The following CLTA variants were observed in gnomAD, a reference collection of about 807,000 sequenced individuals.
CLTA encodes clathrin, light polypeptide (Lca).
CLTA carries 9 observed loss-of-function variants against 26.9 expected under a neutral mutation model. The ratio of observed to expected loss-of-function variants is 0.33; its 90% CI spans 0.20 to 0.58. The LOEUF (loss-of-function observed/expected upper bound fraction) is 0.58, where lower values mean the gene tolerates loss of function less well. Ranked by LOEUF, CLTA falls within the 20% of genes least tolerant of loss-of-function variation. The pLI, the probability that CLTA is intolerant of heterozygous loss-of-function variation, is 0.85. For synonymous variants in CLTA, 120 were observed against 115.5 expected, an observed-to-expected ratio of 1.04 and a Z score of -0.25; for missense variants, 278 against 294.2, an observed-to-expected ratio of 0.94 and a Z score of 0.40.
chr9:36,207,701 T>C (rs1203649424), intron 4 of CLTA, among the ~76,000 whole-genome samples: 2 of 152,234 alleles, frequency 1.3e-5, no homozygotes, highest in Non-Finnish European at 2.9e-5. Flanking sequence ...TGCTTGTCAC[T>C]GAGGAGCTCT....
intron 3 of CLTA, among the ~76,000 whole-genome samples, chr9:36,202,141 A>G (rs769112610): frequency 4.6e-5 from 7 of 152,086 alleles, no homozygotes; most frequent in Non-Finnish European, 1.0e-4. Context: ...TACTGTATAT[A>G]CTTTAGAGTC....
At chr9:36,209,197 G>A in intron 4 of CLTA, 1 of 1,596,900 alleles carries the variant, frequency 6.3e-7, no homozygotes, top group Non-Finnish European at 8.6e-7. Flanking sequence ...GATTTTAGAT[G>A]TTTCTGCTTC....
chr9:36,209,614 C>T (rs1310511981), intron 4 of CLTA, among the ~76,000 whole-genome samples: 1 of 152,064 alleles, frequency 6.6e-6, no homozygotes, highest in East Asian at 1.9e-4. Flanking sequence ...GTTTGAGGCT[C>T]GGGGGAACTC....
At position 36,191,288 on chromosome 9, in the gene CLTA, G is replaced by A; in HGVS notation, c.217+15G>A. On this transcript the variant is annotated intron_variant, in intron 1 of 4. Transcript: ENST00000345519. ...GGGGGGTCCGGGTGAGAGTGCGGGC[G>A]CGTTTGGGGCGAGAGGACTTGTCTG... 6.7e-7 allele frequency: 1 copy of A among 1,498,218 alleles called. No homozygotes were observed. Among genetic ancestry groups the A allele is most frequent in the South Asian group, 1.3e-5 (1 of 78,894 alleles). 92.8% of individuals were successfully genotyped at this position (1,498,218 alleles called of 1,614,324 possible).
chr9:36,200,386 A>G (rs538867123), intron 3 of CLTA, among the ~76,000 whole-genome samples: 361 of 152,348 alleles, frequency 2.4e-3, no homozygotes, highest in African/African-American at 8.2e-3. Flanking sequence ...AAGACATCAT[A>G]TACTTTGTGT....
chr9:36,206,941 T>C (rs764967655), intron 4 of CLTA, among the ~76,000 whole-genome samples: 1 of 152,056 alleles, frequency 6.6e-6, no homozygotes, highest in Non-Finnish European at 1.5e-5. Context: ...TTCAAGCAAG[T>C]ATGATTCTCT....
At chr9:36,191,556 T>C (rs1826722133) in intron 1 of CLTA, among the ~76,000 whole-genome samples, 1 of 152,148 alleles carries the variant, frequency 6.6e-6, no homozygotes, top group Non-Finnish European at 1.5e-5. Context: ...TCAGCAACTT[T>C]TCATTAAGCA....
At chr9:36,207,198 C>T (rs1430220344) in intron 4 of CLTA, among the ~76,000 whole-genome samples, 1 of 152,190 alleles carries the variant, frequency 6.6e-6, no homozygotes, top group African/African-American at 2.4e-5. Context: ...CTGCATCTCC[C>T]TTCTTTTATC....
At chr9:36,202,632 A>G (rs913162622) in intron 3 of CLTA, among the ~76,000 whole-genome samples, 4 of 152,124 alleles carry the variant, frequency 2.6e-5, no homozygotes, top group African/African-American at 7.2e-5. Flanking sequence ...TAGGAAATTC[A>G]CTCAAACTTT....
chr9:36,196,644 C>T (rs886858078), intron 1 of CLTA, among the ~76,000 whole-genome samples: 3 of 152,088 alleles, frequency 2.0e-5, no homozygotes, highest in African/African-American at 7.2e-5. Context: ...CCACCGCGCC[C>T]AGCTGTAACC....
intron 4 of CLTA, among the ~76,000 whole-genome samples, chr9:36,210,314 C>T (rs1827968952): frequency 6.6e-6 from 1 of 152,098 alleles, no homozygotes; most frequent in African/African-American, 2.4e-5. Context: ...ATGTTCATCC[C>T]CTTAGAAGAT....
intron 2 of CLTA, 42 bp downstream of exon 2, chr9:36,197,630 A>G (rs771420256): frequency 8.2e-6 from 12 of 1,470,488 alleles, no homozygotes; most frequent in South Asian, 2.4e-5. Context: ...GTGATTGAGA[A>G]TCTTCCTTTC....
Position 36,200,335 on chromosome 9 carries a change from TAC to T in CLTA, c.373+1249_373+1250del, listed in dbSNP as rs370276069. 3.3e-5 allele frequency among the ~76,000 whole-genome samples: 5 copies of T among 152,298 alleles called. No homozygotes were observed. In the South Asian group the frequency reaches 8.3e-4, roughly 25 times the overall value. ...TTATATAAATGATATGTTTTAGACA[TAC>T]ACACACACAAATTGTTTTGGCTGAC... On this transcript the variant is annotated intron_variant, in intron 3 of 4. Transcript: ENST00000345519.
Position 36,211,762 on chromosome 9 carries a change from G to A in CLTA, c.645G>A (p.Pro215=), listed in dbSNP as rs756015897. 21 of 1,609,860 alleles carry A rather than the reference G, an allele frequency of 1.3e-5. No homozygotes were observed. Among genetic ancestry groups the A allele is most frequent in the African/African-American group, 1.1e-4 (8 of 74,810 alleles). The change falls in exon 5 of 5, where the codon CCG becomes CCA. Residue 215 remains proline (P), a synonymous_variant. Transcript: ENST00000345519. ...RSVLISLKQA[P]LVH The stretch of plus-strand genomic sequence containing the variant: ...TCCTCATCTCCCTCAAGCAGGCCCC[G>A]CTGGTGCACTGAAGAGCCACCCTGT...
rs1359757516 is a variant in CLTA, at chr9:36,211,970, G to A, written c.*196G>A. ...GGCATTCAGAGAGGAGGGAGAGGAGGAAGAGGAAGGGGAGGGAAGCTTCCC... is the reference window on the plus strand; with the variant it reads ...GGCATTCAGAGAGGAGGGAGAGGAGAAAGAGGAAGGGGAGGGAAGCTTCCC... On this transcript the variant is annotated 3_prime_UTR_variant, in exon 5 of 5. Transcript: ENST00000345519. 1.4e-6 allele frequency: 1 copy of A among 700,680 alleles called. No individual in the cohort carries two copies. The allele number at this position is 700,680 out of a possible 1,614,324, so 43.4% of individuals were successfully genotyped here.
chr9:36,191,474 T>G (rs1165172918), intron 1 of CLTA, among the ~76,000 whole-genome samples: 4 of 152,194 alleles, frequency 2.6e-5, no homozygotes, highest in African/African-American at 9.6e-5. Context: ...GTTTGAGTGC[T>G]TCTGGGCGCG....
rs78318820 is a variant in CLTA, at chr9:36,193,055, C to T, written c.217+1782C>T. On this transcript the variant is annotated intron_variant, in intron 1 of 4. Coordinates refer to ENST00000345519, the MANE Select transcript of CLTA (RefSeq NM_001833.4). ...ATGTAGAACTGACAGATCTTGGTGACGGGCAGTTAGGGAAGGTAAAAGGGA... is the reference window on the plus strand; with the variant it reads ...ATGTAGAACTGACAGATCTTGGTGATGGGCAGTTAGGGAAGGTAAAAGGGA... Among the ~76,000 whole-genome samples, 417 of 152,256 alleles carry T rather than the reference C, an allele frequency of 2.7e-3. 1 individual carries two copies. The highest frequency in any genetic ancestry group is 9.7e-3 in the African/African-American group (405 of 41,546).
intron 2 of CLTA, among the ~76,000 whole-genome samples, chr9:36,198,418 T>G (rs1827181774): frequency 6.6e-6 from 1 of 151,740 alleles, no homozygotes; most frequent in Non-Finnish European, 1.5e-5. Flanking sequence ...GGCTCACGCC[T>G]GTAATTCCAG....
At chr9:36,204,698 C>G (rs1232730439) in intron 4 of CLTA, among the ~76,000 whole-genome samples, 1 of 152,168 alleles carries the variant, frequency 6.6e-6, no homozygotes, top group East Asian at 1.9e-4. Context: ...CTTAAAAAGT[C>G]TTGAATTGAC....
Sources: gnomAD v4.1 joint callset for allele counts (sites outside exome capture counted in the v4.1 genomes callset) on GRCh38, gnomAD v4.1.1 for gene constraint, MANE v1.5 for transcripts, NCBI Gene and HGNC (gene_info 2026-07-23, HGNC 2026-07-21) for gene names.